The following DOK5 variants were observed in gnomAD, a reference collection of about 807,000 sequenced individuals.
DOK5 encodes docking protein 5.
Under a neutral mutation model 43.3 loss-of-function variants are expected in DOK5, and 27 were observed. That is an observed-to-expected ratio of 0.62 (90% CI 0.46 to 0.86). The LOEUF is 0.86. Among genes scored for constraint, DOK5 ranks in the 40% least tolerant of loss-of-function variants. DOK5 has a pLI of 0.00. For missense variants in DOK5, 373 were observed against 392.9 expected (o/e 0.95, Z 0.43); for synonymous variants, 146 against 140.1 (o/e 1.04, Z -0.30).
intron 1 of DOK5, among the ~76,000 whole-genome samples, chr20:54,511,304 T>C (rs1298404109): frequency 6.6e-6 from 1 of 152,204 alleles, no homozygotes; most frequent in Non-Finnish European, 1.5e-5. Context: ...ACATAGTAGG[T>C]GCTCAATAAA....
intron 1 of DOK5, among the ~76,000 whole-genome samples, chr20:54,541,331 C>A (rs1435432153): frequency 6.6e-6 from 1 of 152,186 alleles, no homozygotes; most frequent in Non-Finnish European, 1.5e-5. Context: ...GCCTTTCCTG[C>A]CCTACGGTAC....
intron 1 of DOK5, among the ~76,000 whole-genome samples, chr20:54,554,642 G>A (rs935180215): frequency 1.3e-5 from 2 of 152,078 alleles, no homozygotes; most frequent in Admixed American, 6.5e-5. Flanking sequence ...GTACATTTGG[G>A]ATTTTTATCT....
chr20:54,640,314 A>C (rs1475495504), intron 6 of DOK5, among the ~76,000 whole-genome samples: 2 of 152,210 alleles, frequency 1.3e-5, no homozygotes, highest in Admixed American at 6.5e-5. Context: ...TCTTCCAAAC[A>C]TGAGTGCTAA....
chr20:54,611,049 C>G (rs1313622148), intron 6 of DOK5, among the ~76,000 whole-genome samples: 1 of 152,158 alleles, frequency 6.6e-6, no homozygotes, highest in East Asian at 1.9e-4. Context: ...TAGTTGGTAA[C>G]TGTTGGAAAT....
At chr20:54,529,651 A>T (rs73911934) in intron 1 of DOK5, among the ~76,000 whole-genome samples, 4 of 152,316 alleles carry the variant, frequency 2.6e-5, no homozygotes, top group African/African-American at 9.6e-5. Context: ...TGTAACCATC[A>T]TCACAATGTA....
chr20:54,610,169 C>G lies in DOK5; in HGVS notation c.600-219C>G, dbSNP rs540104791. Among the ~76,000 whole-genome samples, 13 of 152,364 alleles carry G rather than the reference C, an allele frequency of 8.5e-5. 1 individual carries two copies. In the East Asian group the frequency reaches 2.5e-3, roughly 29 times the overall value. On this transcript the variant is annotated intron_variant, in intron 5 of 7. Coordinates refer to ENST00000262593, the MANE Select transcript of DOK5 (RefSeq NM_018431.5). ...TGTTTTACTTTGTGATAAAACCATT[C>G]AGCACAGGTTAGCCTGGAGTCCCTT...
intron 6 of DOK5, among the ~76,000 whole-genome samples, chr20:54,631,310 G>C (rs1410561519): frequency 6.6e-6 from 1 of 152,082 alleles, no homozygotes; most frequent in African/African-American, 2.4e-5. Context: ...CTACTTGTCG[G>C]GGGGCTGAGG....
intron 2 of DOK5, among the ~76,000 whole-genome samples, chr20:54,586,553 C>T (rs1985809949): frequency 6.6e-6 from 1 of 152,140 alleles, no homozygotes; most frequent in Admixed American, 6.5e-5. Context: ...AGAGCAAAAA[C>T]AAAACAAAAC....
intron 4 of DOK5, among the ~76,000 whole-genome samples, chr20:54,591,124 T>C (rs925871945): frequency 5.3e-5 from 8 of 152,264 alleles, no homozygotes; most frequent in Non-Finnish European, 1.0e-4. Context: ...GCATTTTGTT[T>C]AAATGATTGA....
chr20:54,562,098 G>T (rs926103742), intron 2 of DOK5, among the ~76,000 whole-genome samples: 9 of 152,230 alleles, frequency 5.9e-5, no homozygotes, highest in African/African-American at 2.2e-4. Flanking sequence ...TCCTGACATG[G>T]TCACTGTCCG....
At chr20:54,525,404 G>T (rs80188484) in intron 1 of DOK5, among the ~76,000 whole-genome samples, 4 of 152,304 alleles carry the variant, frequency 2.6e-5, no homozygotes, top group African/African-American at 9.6e-5. Context: ...CAGGGAATAT[G>T]CACTGTCAGA....
At chr20:54,545,666 C>T (rs141141309) in intron 1 of DOK5, among the ~76,000 whole-genome samples, 78 of 152,332 alleles carry the variant, frequency 5.1e-4, no homozygotes, top group African/African-American at 1.7e-3. Flanking sequence ...GTCAAAGACA[C>T]TGACTATGCT....
intron 2 of DOK5, among the ~76,000 whole-genome samples, chr20:54,576,853 T>C (rs1985468443): frequency 6.6e-6 from 1 of 152,224 alleles, no homozygotes; most frequent in African/African-American, 2.4e-5. Flanking sequence ...GACAAGTACT[T>C]TATTTTTACT....
intron 5 of DOK5, among the ~76,000 whole-genome samples, chr20:54,596,863 A>C (rs1470012739): frequency 6.6e-6 from 1 of 152,176 alleles, no homozygotes. Context: ...TTTATGTGAC[A>C]GTTCTGTTTC....
intron 2 of DOK5, among the ~76,000 whole-genome samples, chr20:54,577,945 G>A (rs1355818504): frequency 6.6e-6 from 1 of 152,206 alleles, no homozygotes; most frequent in Non-Finnish European, 1.5e-5. Flanking sequence ...GGCTGAGAGG[G>A]AATGAATGAT....
intron 1 of DOK5, among the ~76,000 whole-genome samples, chr20:54,528,741 CTG>C (rs1239704251): frequency 1.3e-5 from 2 of 152,152 alleles, no homozygotes; most frequent in Non-Finnish European, 2.9e-5. Flanking sequence ...CTTTTTGGAA[CTG>C]CTGCAAGTGG....
intron 5 of DOK5, among the ~76,000 whole-genome samples, chr20:54,601,682 G>A (rs1986302414): frequency 6.6e-6 from 1 of 152,314 alleles, no homozygotes; most frequent in Non-Finnish European, 1.5e-5. Context: ...ATGATGAAAT[G>A]GCAGGAGGAG....
chr20:54,554,015 C>T (rs62214422), intron 1 of DOK5, among the ~76,000 whole-genome samples: 8,685 of 151,522 alleles, frequency 0.057, 274 homozygotes, highest in Non-Finnish European at 0.074. Context: ...CATTTTCTCT[C>T]TCTGGCATTA....
chr20:54,506,913 C>T (rs899605886), intron 1 of DOK5, among the ~76,000 whole-genome samples: 1 of 152,216 alleles, frequency 6.6e-6, no homozygotes, highest in East Asian at 1.9e-4. Flanking sequence ...GAATCACAGA[C>T]TCTGCCTGGG....
Sources: allele counts gnomAD v4.1 joint callset (sites outside exome capture counted in the v4.1 genomes callset), GRCh38; gene constraint gnomAD v4.1.1; transcripts MANE v1.5; gene names NCBI Gene and HGNC (gene_info 2026-07-23, HGNC 2026-07-21).